C12orf71: variants seen among roughly 807,000 people sequenced by gnomAD.
The protein encoded by C12orf71 is chromosome 12 open reading frame 71, also known as uncharacterized protein C12orf71.
C12orf71 carries 10 observed loss-of-function variants against 11.7 expected under a neutral mutation model. The ratio of observed to expected loss-of-function variants is 0.86; its 90% CI spans 0.53 to 1.45. The LOEUF (loss-of-function observed/expected upper bound fraction) is 1.45. Ranked by LOEUF, C12orf71 falls within the 40% of genes most tolerant of loss-of-function variation. The probability of loss-of-function intolerance (pLI) is 0.00; values close to 1 mark genes in which losing one functional copy is unlikely to be tolerated. For synonymous variants in C12orf71, 110 were observed against 123.4 expected (o/e 0.89, Z 0.72); for missense variants, 293 against 325.8 (o/e 0.90, Z 0.78).
rs1941941275 is a variant in C12orf71, at chr12:27,082,171, C to T, written c.313G>A (p.Ala105Thr). 7 of 1,613,824 alleles carry T rather than the reference C, an allele frequency of 4.3e-6. No individual in the cohort carries two copies. The African/African-American group carries it at 9.3e-5, about 22-fold the overall frequency. ...DIGSDNTDSR[A>T]NRLLNGDNLW... ...TTGTCTCCATTTAGAAGCCTATTAGCTCTTGAGTCTGTGTTATCGGAGCCA... is the reference window on the plus strand; with the variant it reads ...TTGTCTCCATTTAGAAGCCTATTAGTTCTTGAGTCTGTGTTATCGGAGCCA... The change falls in exon 1 of 2, where the codon GCT becomes ACT. Residue 105 changes from alanine (A) to threonine (T), a missense_variant. Transcript: ENST00000429849.
rs761793887 is a variant in C12orf71, at chr12:27,081,304, G to A, written c.680C>T (p.Ser227Phe). Residue 227 changes from serine (S) to phenylalanine (F), a missense_variant, in exon 2 of 2, where the codon TCT becomes TTT. Ser to Phe is a radical substitution (Grantham distance 155, BLOSUM62 -2). Transcript: ENST00000429849. ...FSWLRQRILP[S>F]LLRRDHPVNA... The stretch of plus-strand genomic sequence containing the variant: ...CACAGGGTGATCCCTCCTCAGCAGA[G>A]AGGGGAGGATACGCTGCCTCAGCCA... 6.2e-7 allele frequency: 1 copy of A among 1,614,010 alleles called. No homozygotes were observed. The highest frequency in any genetic ancestry group is 1.1e-5 in the South Asian group (1 of 91,080).
Position 27,082,306 on chromosome 12 carries a change from C to T in C12orf71, c.178G>A (p.Ala60Thr), listed in dbSNP as rs760453270. The T allele has an allele frequency of 1.2e-6, 2 of 1,600,536 alleles. No individual in the cohort carries two copies. Among genetic ancestry groups the T allele is most frequent in the Non-Finnish European group, 1.7e-6 (2 of 1,174,362 alleles). ...SIHFLPPVQG[A>T]WGTERIGRRM... The stretch of plus-strand genomic sequence containing the variant: ...CTCCCTATCCTTTCAGTCCCCCATG[C>T]CCCTTGGACGGGAGGCAGAAAGTGG... The change falls in exon 1 of 2, where the codon GCA (alanine) becomes ACA (threonine). Residue 60 changes from alanine to threonine, a missense_variant. Transcript: ENST00000429849.
chr12:27,082,463 G>A lies in C12orf71; in HGVS notation c.21C>T (p.Asn7=). The A allele has an allele frequency of 4.0e-6, 6 of 1,504,818 alleles. No homozygotes were observed. Among genetic ancestry groups the A allele is most frequent in the Non-Finnish European group, 5.3e-6 (6 of 1,127,726 alleles). 93.2% of individuals were successfully genotyped at this position (1,504,818 alleles called of 1,614,324 possible). MAYSSS[N]SDIEDDSSKS... is the part of the protein sequence containing the mutation. ...TGGAGCTGTCGTCCTCTATGTCGCT[G>A]TTAGAGGATGAATATGCCATGGAGT... Residue 7 remains asparagine, a synonymous_variant, in exon 1 of 2, where the codon AAC becomes AAT. Coordinates refer to ENST00000429849, the MANE Select transcript of C12orf71 (RefSeq NM_001080406.2).
upstream of C12orf71, among the ~76,000 whole-genome samples, chr12:27,084,096 C>G (rs1461100843): frequency 6.6e-6 from 1 of 152,136 alleles, no homozygotes; most frequent in African/African-American, 2.4e-5. Flanking sequence ...CCCGAGTCTC[C>G]GTGGCTAAAA....
At chr12:27,081,815 T>C in intron 1 of C12orf71, 153 bp downstream of exon 1, 1 of 851,514 alleles carries the variant, frequency 1.2e-6, no homozygotes, top group African/African-American at 1.7e-5. Flanking sequence ...CCCAGGCCTA[T>C]CCCTTCCTGT....
At chr12:27,081,655 C>T (rs1941933535) in intron 1 of C12orf71, among the ~76,000 whole-genome samples, 188 bp from the exon 2 acceptor site, 5 of 152,088 alleles carry the variant, frequency 3.3e-5, no homozygotes, top group Admixed American at 3.3e-4. Flanking sequence ...AGCCCTTCTC[C>T]TTGCTTGCTA....
At chr12:27,083,543 T>C (rs555509570), upstream of C12orf71, among the ~76,000 whole-genome samples, 8 of 152,356 alleles carry the variant, frequency 5.3e-5, no homozygotes, top group African/African-American at 1.9e-4. Flanking sequence ...AACACACATA[T>C]ACATATCTGT....
intron 1 of C12orf71, 78 bp from the exon 2 acceptor site, chr12:27,081,545 C>T: frequency 7.0e-7 from 1 of 1,436,930 alleles, no homozygotes; most frequent in Admixed American, 2.0e-5. Flanking sequence ...ATTTGTGGAA[C>T]TCACATCCTT....
At chr12:27,083,008 T>C (rs1258962767), upstream of C12orf71, among the ~76,000 whole-genome samples, 2 of 152,002 alleles carry the variant, frequency 1.3e-5, no homozygotes, top group Non-Finnish European at 2.9e-5. Context: ...TGGTGTGATG[T>C]CAGCTCACCG....
rs1941940592 is a variant in C12orf71, at chr12:27,082,118, C to G, written c.366G>C (p.Glu122Asp). The change falls in exon 1 of 2, where the codon GAG (glutamate) becomes GAC (aspartate). Residue 122 changes from glutamate (E) to aspartate (D), a missense_variant. Transcript: ENST00000429849. The stretch of plus-strand genomic sequence containing the variant: ...GTTTGCCAACAGACAGTTTTGTTCT[C>G]TCTTTTGGTAACTTGTCTATCCACA... ...DNLWIDKLPK[E>D]RTKLSVGKLN... 6.2e-7 allele frequency: 1 copy of G among 1,613,044 alleles called. No homozygotes were observed. Among genetic ancestry groups the G allele is most frequent in the African/African-American group, 1.3e-5 (1 of 74,906 alleles).
At chr12:27,083,642 A>G (rs1057012776), upstream of C12orf71, among the ~76,000 whole-genome samples, 2 of 152,234 alleles carry the variant, frequency 1.3e-5, no homozygotes, top group Non-Finnish European at 2.9e-5. Flanking sequence ...TTTATCCCAT[A>G]GCCTACAACA....
rs374505766 is a variant in C12orf71, at chr12:27,082,447, C to T, written c.37G>A (p.Asp13Asn). 6.6e-6 allele frequency: 10 copies of T among 1,517,240 alleles called. No homozygotes were observed. The highest frequency in any genetic ancestry group is 2.3e-5 in the East Asian group (1 of 43,964). 94.0% of individuals were successfully genotyped at this position (1,517,240 alleles called of 1,614,324 possible). The change falls in exon 1 of 2, where the codon GAC becomes AAC. Residue 13 changes from aspartate to asparagine, a missense_variant. Coordinates refer to ENST00000429849, the MANE Select transcript of C12orf71 (RefSeq NM_001080406.2). ...YSSSNSDIED[D>N]SSKSNSNLSL... The stretch of plus-strand genomic sequence containing the variant: ...AGGTTGGAATTGGATTTGGAGCTGT[C>T]GTCCTCTATGTCGCTGTTAGAGGAT...
chr12:27,081,888 G>A (rs1301619908), intron 1 of C12orf71, 80 bp downstream of exon 1: 1 of 1,385,258 alleles, frequency 7.2e-7, no homozygotes, highest in African/African-American at 1.4e-5. Flanking sequence ...AGGAGTCTGT[G>A]GAGACTACAT....
Position 27,081,251 on chromosome 12 carries a change from C to A in C12orf71, c.733G>T (p.Ala245Ser), listed in dbSNP as rs61732116. 6,029 of 1,613,930 alleles carry A rather than the reference C, an allele frequency of 3.7e-3. 194 individuals are homozygous for A. The African/African-American group carries it at 0.07, about 19-fold the overall frequency. ...CTGTGAAAGAGTCTTTTCGTTGGTG[C>A]TGACCGATGGGGACTTTTGGTGGCA... ...VNATKSPHRSAPTKRLFHRGK... is the reference protein window; with the variant it reads ...VNATKSPHRSSPTKRLFHRGK... The change falls in exon 2 of 2, where the codon GCA becomes TCA. Residue 245 changes from alanine (A) to serine (S), a missense_variant. Physicochemically the swap from Ala to Ser is moderately conservative, Grantham distance 99 (BLOSUM62 1). Coordinates refer to ENST00000429849, the MANE Select transcript of C12orf71 (RefSeq NM_001080406.2).
In C12orf71 at chr12:27,081,281, C is replaced by A. The variant is rs1201193354; in HGVS notation, c.703G>T (p.Val235Leu). ...CGATGGGGACTTTTGGTGGCATTCA[C>A]AGGGTGATCCCTCCTCAGCAGAGAG... ...LPSLLRRDHPVNATKSPHRSA... is the reference protein window; with the variant it reads ...LPSLLRRDHPLNATKSPHRSA... The change falls in exon 2 of 2, where the codon GTG (valine) becomes TTG (leucine). Residue 235 changes from valine (V) to leucine (L), a missense_variant. Transcript: ENST00000429849. 6.2e-7 allele frequency: 1 copy of A among 1,613,896 alleles called. No homozygotes were observed. The highest frequency in any genetic ancestry group is 1.3e-5 in the African/African-American group (1 of 74,924).
rs1007194943 is a variant in C12orf71, at chr12:27,082,442, G to A, written c.42C>T (p.Ser14=). 6.6e-7 allele frequency: 1 copy of A among 1,520,116 alleles called. No homozygotes were observed. Among genetic ancestry groups the A allele is most frequent in the Non-Finnish European group, 8.8e-7 (1 of 1,135,682 alleles). 94.2% of individuals were successfully genotyped at this position (1,520,116 alleles called of 1,614,324 possible). The part of the protein sequence containing the change: ...SSSNSDIEDD[S]SKSNSNLSLS... ...GGCTCAGGTTGGAATTGGATTTGGA[G>A]CTGTCGTCCTCTATGTCGCTGTTAG... The change falls in exon 1 of 2, where the codon AGC becomes AGT. Residue 14 remains serine, a synonymous_variant. Coordinates refer to ENST00000429849, the MANE Select transcript of C12orf71 (RefSeq NM_001080406.2).
At chr12:27,081,942 C>G in intron 1 of C12orf71, 26 bp downstream of exon 1, 1 of 1,564,632 alleles carries the variant, frequency 6.4e-7, no homozygotes, top group East Asian at 2.3e-5. Context: ...CAGGTCTTGA[C>G]AAGCATCATA....
rs542752353 is a variant in C12orf71, at chr12:27,081,583, CAG to C, written c.517-118_517-117del. On this transcript the variant is annotated intron_variant, in intron 1 of 1. Transcript: ENST00000429849. Reference sequence around the variant, plus strand: ...ACCAAAAATAGCCCAAGTGTCAATGCAGAGTTTCAATGCTCATCAATACTAAA... The same window carrying C: ...ACCAAAAATAGCCCAAGTGTCAATGCAGTTTCAATGCTCATCAATACTAAA... The C allele has an allele frequency of 7.5e-4, 763 of 1,012,568 alleles. 13 individuals carry two copies. In the South Asian group the frequency reaches 0.011, roughly 15 times the overall value. The allele number at this position is 1,012,568 out of a possible 1,614,324, so 62.7% of individuals were successfully genotyped here.
chr12:27,083,683 A>G (rs1941955273), upstream of C12orf71, among the ~76,000 whole-genome samples: 1 of 152,336 alleles, frequency 6.6e-6, no homozygotes, highest in Middle Eastern at 3.4e-3. Flanking sequence ...GCAATTTTTA[A>G]CCACTTCTTA....
Sources: allele counts gnomAD v4.1 joint callset (sites outside exome capture counted in the v4.1 genomes callset), GRCh38; gene constraint gnomAD v4.1.1; transcripts MANE v1.5; gene names NCBI Gene and HGNC (gene_info 2026-07-23, HGNC 2026-07-21).